Variants in XDH observed in about 807,000 individuals in gnomAD.
XDH encodes xanthine dehydrogenase/oxidase.
XDH carries 138 observed loss-of-function variants against 156.1 expected under a neutral mutation model. That is an observed-to-expected ratio of 0.88 (90% CI 0.77 to 1.02). The LOEUF (loss-of-function observed/expected upper bound fraction) is 1.02. Among genes scored for constraint, XDH ranks in the 50% least tolerant of loss-of-function variants. The pLI, the probability that XDH is intolerant of heterozygous loss-of-function variation, is 0.00. For synonymous variants in XDH, 669 were observed against 625.7 expected, an observed-to-expected ratio of 1.07 and a Z score of -1.03; for missense variants, 1,849 against 1,684.9, an observed-to-expected ratio of 1.10 and a Z score of -1.71.
At chr2:31,343,539 CATAT>C (rs1162519227) in intron 31 of XDH, among the ~76,000 whole-genome samples, 1 of 140,656 alleles carries the variant, frequency 7.1e-6, no homozygotes, top group East Asian at 2.1e-4. Context: ...ATGTATAAGG[CATAT>C]ATATATGCCT....
intron 18 of XDH, among the ~76,000 whole-genome samples, chr2:31,368,944 T>C (rs1431728106): frequency 1.3e-5 from 2 of 152,168 alleles, no homozygotes; most frequent in East Asian, 3.9e-4. Context: ...TTGTTTGCCA[T>C]GAGCAGAAAG....
At position 31,370,329 on chromosome 2, in the gene XDH, T is replaced by C. The variant is rs543498826; in HGVS notation, c.1980+26A>G. ...AAACTTCAATACTTATTCAATTTACTTCATATAAAAAAATCCAAGACTTAC... is the reference window on the plus strand; with the variant it reads ...AAACTTCAATACTTATTCAATTTACCTCATATAAAAAAATCCAAGACTTAC... On this transcript the variant is annotated intron_variant, in intron 18 of 35. Transcript: ENST00000379416. The C allele has an allele frequency of 6.2e-6, 10 of 1,613,238 alleles. No homozygotes were observed. The African/African-American group carries it at 8.0e-5, about 13-fold the overall frequency.
chr2:31,385,875 G>T (rs1342434664), intron 9 of XDH, among the ~76,000 whole-genome samples: 1 of 152,096 alleles, frequency 6.6e-6, no homozygotes, highest in Admixed American at 6.5e-5. Flanking sequence ...GGGGTGGTGG[G>T]GTCAAAAGCG....
chr2:31,361,085 G>A (rs558050793), intron 24 of XDH, among the ~76,000 whole-genome samples: 2 of 152,332 alleles, frequency 1.3e-5, no homozygotes, highest in East Asian at 3.9e-4. Flanking sequence ...TGTTGAAGTA[G>A]TAACAAGTAA....
chr2:31,342,276 G>C lies in XDH; in HGVS notation c.3426C>G (p.Ser1142Arg), dbSNP rs772190648. Residue 1142 changes from serine to arginine, a missense_variant, in exon 32 of 36, where the codon AGC becomes AGG. Physicochemically the swap from Ser to Arg is moderately radical, Grantham distance 110 (BLOSUM62 -1). Transcript: ENST00000379416. ...GFYRTPNLGYSFETNSGNPFH... is the reference protein window; with the variant it reads ...GFYRTPNLGYRFETNSGNPFH... The stretch of plus-strand genomic sequence containing the variant: ...AGGGGTTCCCTGAGTTAGTCTCAAA[G>C]CTGTAGCCCAGATTGGGTGTTCTGG... The C allele has an allele frequency of 8.7e-6, 14 of 1,614,054 alleles. No individual in the cohort carries two copies. Among genetic ancestry groups the C allele is most frequent in the Non-Finnish European group, 1.2e-5 (14 of 1,179,982 alleles).
Position 31,345,742 on chromosome 2 carries a change from T to C in XDH, c.3352-1006A>G, listed in dbSNP as rs7583231. Among the ~76,000 whole-genome samples the C allele has an allele frequency of 3.5e-3, 528 of 152,246 alleles. 13 individuals are homozygous for C. The East Asian group carries it at 0.068, about 19-fold the overall frequency. ...GTGTGTGCGTGCACATGCGCATGTG[T>C]ATGTATGTGTTGGTGACTGTGGTTC... is the stretch of plus-strand genomic sequence containing the variant. On this transcript the variant is annotated intron_variant, in intron 30 of 35. Transcript: ENST00000379416.
rs765610221 is a variant in XDH at position 31,349,650 on chromosome 2, C to G, written c.2969+36G>C. On this transcript the variant is annotated intron_variant, in intron 26 of 35. Coordinates refer to ENST00000379416, the MANE Select transcript of XDH (RefSeq NM_000379.4). ...CAGAAAGGCTGTAGGATATGAAACCCAGAAGAGCAACTGGACTTCTACTCC... is the reference window on the plus strand; with the variant it reads ...CAGAAAGGCTGTAGGATATGAAACCGAGAAGAGCAACTGGACTTCTACTCC... The G allele has an allele frequency of 2.5e-6, 4 of 1,613,202 alleles. No individual in the cohort carries two copies. In the Admixed American group the frequency reaches 6.7e-5, roughly 27 times the overall value.
intron 9 of XDH, among the ~76,000 whole-genome samples, chr2:31,385,613 T>C (rs1173586161): frequency 6.6e-6 from 1 of 152,150 alleles, no homozygotes; most frequent in Non-Finnish European, 1.5e-5. Flanking sequence ...TCCAGCAAAG[T>C]AGAAATAGGC....
In XDH at chr2:31,373,880, A is replaced by T. The variant is rs745668031; in HGVS notation, c.1679T>A (p.Leu560His). The change falls in exon 16 of 36, where the codon CTC becomes CAC. Residue 560 changes from leucine (L) to histidine (H), a missense_variant. Coordinates refer to ENST00000379416, the MANE Select transcript of XDH (RefSeq NM_000379.4). ...TACACTGACCGTACTCACTTGGAAGAGCTGGACATCGGCTGGGGGGTCTTT... is the reference window on the plus strand; with the variant it reads ...TACACTGACCGTACTCACTTGGAAGTGCTGGACATCGGCTGGGGGGTCTTT... ...FQKDPPADVQ[L>H]FQEVPKGQSE... 1.2e-6 allele frequency: 2 copies of T among 1,613,862 alleles called. No homozygotes were observed. The highest frequency in any genetic ancestry group is 3.3e-5 in the Admixed American group (2 of 60,010).
chr2:31,365,888 C>G, intron 22 of XDH, 88 bp downstream of exon 22: 1 of 1,598,652 alleles, frequency 6.3e-7, no homozygotes, highest in Non-Finnish European at 8.5e-7. Context: ...CTAATTCTAA[C>G]AGGGGGAAGT....
At chr2:31,412,109 A>G (rs1278180840) in intron 1 of XDH, among the ~76,000 whole-genome samples, 1 of 152,254 alleles carries the variant, frequency 6.6e-6, no homozygotes, top group Non-Finnish European at 1.5e-5. Flanking sequence ...AGTCTCAGCT[A>G]GACAGAGTGA....
At chr2:31,348,783 T>C in intron 27 of XDH, 116 bp downstream of exon 27, 1 of 903,848 alleles carries the variant, frequency 1.1e-6, no homozygotes, top group South Asian at 1.4e-5. Context: ...GAGCAAAGAG[T>C]TCCTCCAGTA....
At chr2:31,341,600 C>G (rs1685127337) in intron 32 of XDH, among the ~76,000 whole-genome samples, 1 of 152,090 alleles carries the variant, frequency 6.6e-6, no homozygotes, top group African/African-American at 2.4e-5. Flanking sequence ...GAGTTTGTAG[C>G]AGCCGGGTAG....
chr2:31,347,444 G>A, intron 29 of XDH, 78 bp downstream of exon 29: 1 of 1,604,386 alleles, frequency 6.2e-7, no homozygotes, highest in Non-Finnish European at 8.5e-7. Context: ...AACCCTTCTA[G>A]CTCCCACCCA....
rs1371902985 is a variant in XDH at position 31,406,007 on chromosome 2, A to T, written c.43-43T>A. The T allele has an allele frequency of 3.1e-6, 5 of 1,599,844 alleles. No individual in the cohort carries two copies. In the Admixed American group the frequency reaches 6.7e-5, roughly 21 times the overall value. The stretch of plus-strand genomic sequence containing the variant: ...AGAAAAATATATCATAGGTATACTT[A>T]GTCATCTTTCTGCAATTAATTTCTT... On this transcript the variant is annotated intron_variant, in intron 1 of 35. Coordinates refer to ENST00000379416, the MANE Select transcript of XDH (RefSeq NM_000379.4).
chr2:31,344,851 G>C, intron 30 of XDH, 115 bp from the exon 31 acceptor site: 3 of 1,064,658 alleles, frequency 2.8e-6, no homozygotes, highest in Non-Finnish European at 4.3e-6. Flanking sequence ...CATTTTACTA[G>C]TGACTCCCAT....
chr2:31,413,770 T>C (rs115789965), intron 1 of XDH, among the ~76,000 whole-genome samples: 14 of 152,320 alleles, frequency 9.2e-5, no homozygotes, highest in African/African-American at 3.4e-4. Context: ...GGGACTCTTT[T>C]ACTATCCTTT....
At chr2:31,393,476 A>G (rs749975926) in intron 6 of XDH, among the ~76,000 whole-genome samples, 2 of 152,082 alleles carry the variant, frequency 1.3e-5, no homozygotes, top group African/African-American at 4.8e-5. Context: ...ACCTTTCTTT[A>G]TCTACTTAGT....
At chr2:31,353,745 C>A (rs182434610) in intron 24 of XDH, among the ~76,000 whole-genome samples, 2 of 152,292 alleles carry the variant, frequency 1.3e-5, no homozygotes, top group East Asian at 3.9e-4. Flanking sequence ...AGTACCCCAG[C>A]CAAACATCAC....
Sources: gnomAD v4.1 joint callset for allele counts (sites outside exome capture counted in the v4.1 genomes callset) on GRCh38, gnomAD v4.1.1 for gene constraint, MANE v1.5 for transcripts, NCBI Gene and HGNC (gene_info 2026-07-23, HGNC 2026-07-21) for gene names.